Variants in DENND5B observed in about 807,000 individuals in gnomAD.
The protein encoded by DENND5B is DENN domain-containing protein 5B.
Under a neutral mutation model 140.6 loss-of-function variants are expected in DENND5B, and 34 were observed. The observed-to-expected ratio is 0.24, with a 90% CI of 0.18 to 0.32. DENND5B has a LOEUF of 0.32. DENND5B is among the 10% of genes least tolerant of loss of function. The pLI, the probability that DENND5B is intolerant of heterozygous loss-of-function variation, is 1.00. For missense variants in DENND5B, 1,142 were observed against 1,560.2 expected (o/e 0.73, Z 4.52); for synonymous variants, 551 against 562.1 (o/e 0.98, Z 0.28).
intron 3 of DENND5B, among the ~76,000 whole-genome samples, chr12:31,464,480 A>G (rs1387859724): frequency 6.6e-6 from 1 of 152,166 alleles, no homozygotes; most frequent in African/African-American, 2.4e-5. Flanking sequence ...AAACATTACA[A>G]TTCTATCATA....
chr12:31,462,136 A>T (rs1945046418), intron 3 of DENND5B, among the ~76,000 whole-genome samples: 1 of 152,212 alleles, frequency 6.6e-6, no homozygotes, highest in African/African-American at 2.4e-5. Flanking sequence ...GGTAGGGGTC[A>T]GTCATACGAG....
chr12:31,505,153 C>T (rs192570892), intron 1 of DENND5B, among the ~76,000 whole-genome samples: 3 of 151,970 alleles, frequency 2.0e-5, no homozygotes, highest in East Asian at 1.9e-4. Context: ...CTGACTATAT[C>T]GTACCTTCTA....
intron 1 of DENND5B, among the ~76,000 whole-genome samples, chr12:31,538,113 A>G (rs1948565108): frequency 6.6e-6 from 1 of 152,206 alleles, no homozygotes; most frequent in Non-Finnish European, 1.5e-5. Flanking sequence ...GAGAAAATCA[A>G]TGAACATCAG....
chr12:31,458,748 GAACA>G (rs1334729561), intron 4 of DENND5B, among the ~76,000 whole-genome samples: 2 of 152,076 alleles, frequency 1.3e-5, no homozygotes, highest in Admixed American at 1.3e-4. Context: ...TGGGAAATAA[GAACA>G]AATAAAGGTG....
chr12:31,419,028 G>A (rs750180076), intron 11 of DENND5B, among the ~76,000 whole-genome samples: 3 of 152,186 alleles, frequency 2.0e-5, no homozygotes, highest in Non-Finnish European at 2.9e-5. Context: ...ACTCTGGAGA[G>A]AAGAGTTTAA....
chr12:31,582,199 G>C (rs1950230297), intron 1 of DENND5B, among the ~76,000 whole-genome samples: 1 of 152,056 alleles, frequency 6.6e-6, no homozygotes, highest in Non-Finnish European at 1.5e-5. Flanking sequence ...TTTTTTAACA[G>C]ATAAACTTAG....
chr12:31,508,330 C>T (rs1051991916), intron 1 of DENND5B, among the ~76,000 whole-genome samples: 16 of 152,244 alleles, frequency 1.1e-4, no homozygotes, highest in Middle Eastern at 3.4e-3. Context: ...ACAAGGAACT[C>T]AGTTAAGCTT....
intron 1 of DENND5B, among the ~76,000 whole-genome samples, chr12:31,555,403 G>A (rs778951019): frequency 2.6e-5 from 4 of 152,148 alleles, no homozygotes; most frequent in East Asian, 3.8e-4. Flanking sequence ...CTGCCTGATC[G>A]TTCTTCTGGA....
At chr12:31,475,702 T>C (rs980552619) in intron 3 of DENND5B, among the ~76,000 whole-genome samples, 1 of 151,930 alleles carries the variant, frequency 6.6e-6, no homozygotes, top group South Asian at 2.1e-4. Context: ...TGAGCTACGA[T>C]CATGTCACTG....
chr12:31,535,542 G>A (rs1166991472), intron 1 of DENND5B, among the ~76,000 whole-genome samples: 2 of 152,114 alleles, frequency 1.3e-5, no homozygotes, highest in Non-Finnish European at 2.9e-5. Context: ...GGTCTTATCC[G>A]AAACTACCAA....
intron 1 of DENND5B, among the ~76,000 whole-genome samples, chr12:31,505,567 CA>C (rs543989636): frequency 6.6e-6 from 1 of 152,110 alleles, no homozygotes; most frequent in South Asian, 2.1e-4. Flanking sequence ...GCATGTTCTC[CA>C]CCTTTCATAG....
intron 3 of DENND5B, among the ~76,000 whole-genome samples, chr12:31,472,191 T>C (rs1945591663): frequency 6.6e-6 from 1 of 152,184 alleles, no homozygotes; most frequent in African/African-American, 2.4e-5. Flanking sequence ...CAGATGCTAA[T>C]AAAAACATTA....
At chr12:31,394,073 A>G (rs1593043567) in intron 17 of DENND5B, among the ~76,000 whole-genome samples, 1 of 152,112 alleles carries the variant, frequency 6.6e-6, no homozygotes, top group East Asian at 1.9e-4. Flanking sequence ...TTATAATTGA[A>G]GTACTGATAC....
intron 1 of DENND5B, among the ~76,000 whole-genome samples, chr12:31,509,709 A>C (rs1034304320): frequency 6.6e-6 from 1 of 152,238 alleles, no homozygotes; most frequent in African/African-American, 2.4e-5. Context: ...GATAATAAGT[A>C]TAATAAATTA....
chr12:31,389,511 G>C lies in DENND5B; in HGVS notation c.3467-13C>G. On this transcript the variant is annotated splice_polypyrimidine_tract_variant and intron_variant, in intron 19 of 20. Coordinates refer to ENST00000389082, the MANE Select transcript of DENND5B (RefSeq NM_144973.4). ...GCAACCACTTTCTCTGAGGAAAAAA[G>C]TCAGAATTATGTCACAATATGTGTC... 6.4e-7 allele frequency: 1 copy of C among 1,565,254 alleles called. No homozygotes were observed. Among genetic ancestry groups the C allele is most frequent in the South Asian group, 1.2e-5 (1 of 85,008 alleles).
intron 1 of DENND5B, among the ~76,000 whole-genome samples, chr12:31,579,945 G>A (rs975991504): frequency 6.0e-5 from 9 of 151,158 alleles, no homozygotes; most frequent in Non-Finnish European, 1.3e-4. Flanking sequence ...AGCACAATAG[G>A]AGAGTATAAA....
At position 31,468,875 on chromosome 12, in the gene DENND5B, GA is replaced by G. The variant is rs555437757; in HGVS notation, c.905-8495del. ...AAACTTCAGGTAAAAATAATTGGGG[GA>G]AAAAGAGAATGCACAAACAGTATTA... is the stretch of plus-strand genomic sequence containing the variant. On this transcript the variant is annotated intron_variant, in intron 3 of 20. Coordinates refer to ENST00000389082, the MANE Select transcript of DENND5B (RefSeq NM_144973.4). 4.2e-3 allele frequency among the ~76,000 whole-genome samples: 637 copies of G among 152,046 alleles called. 5 individuals are homozygous for G. Among genetic ancestry groups the G allele is most frequent in the Middle Eastern group, 0.027 (8 of 294 alleles).
chr12:31,449,730 A>AGTTTTTTTTT (rs1555149720), intron 5 of DENND5B, among the ~76,000 whole-genome samples: 1 of 24,400 alleles, frequency 4.1e-5, no homozygotes, highest in Non-Finnish European at 1.4e-4. Context: ...TACACAGATT[A>AGTTTTTTTTT]GTTTTTTTTT....
At chr12:31,404,431 G>C (rs923043157) in intron 14 of DENND5B, among the ~76,000 whole-genome samples, 4 of 152,060 alleles carry the variant, frequency 2.6e-5, no homozygotes, top group African/African-American at 4.8e-5. Context: ...CCAGCAGTTG[G>C]GACTACAGGT....
Sources: gnomAD v4.1 joint callset for allele counts (sites outside exome capture counted in the v4.1 genomes callset) on GRCh38, gnomAD v4.1.1 for gene constraint, MANE v1.5 for transcripts, NCBI Gene and HGNC (gene_info 2026-07-23, HGNC 2026-07-21) for gene names.